The following TEAD2 variants were observed in gnomAD, a reference collection of about 807,000 sequenced individuals.
TEAD2 encodes the protein TEA domain transcription factor 2.
A neutral mutation model predicts 61.4 loss-of-function variants in TEAD2; 51 were observed. The observed-to-expected ratio is 0.83, with a 90% CI of 0.66 to 1.05. The LOEUF (loss-of-function observed/expected upper bound fraction) is 1.05, where lower values mean the gene tolerates loss of function less well. TEAD2 is among the 50% of genes least tolerant of loss of function. TEAD2 has a pLI of 0.00. For missense variants in TEAD2, 509 were observed against 600.0 expected, an observed-to-expected ratio of 0.85 and a Z score of 1.58; for synonymous variants, 244 against 243.2, an observed-to-expected ratio of 1.00 and a Z score of -0.03.
chr19:49,348,654 C>G, intron 9 of TEAD2, 49 bp downstream of exon 9: 9 of 1,483,954 alleles, frequency 6.1e-6, no homozygotes, highest in Non-Finnish European at 8.5e-6. Flanking sequence ...CTTCCTGTCA[C>G]CCTCTATATT....
chr19:49,354,719 G>A (rs539656133), intron 7 of TEAD2, among the ~76,000 whole-genome samples: 1 of 152,170 alleles, frequency 6.6e-6, no homozygotes, highest in East Asian at 1.9e-4. Context: ...CCTAATAGAG[G>A]CTGGGCACGG....
Position 49,351,288 on chromosome 19 carries a change from C to G in TEAD2, c.604+13G>C. On this transcript the variant is annotated intron_variant, in intron 8 of 12. Transcript: ENST00000593945. ...AGAGGGGAGACAAGGGAGGGTGGAG[C>G]GCAGGCTCTTACCTGGGAGGTCAGT... is the stretch of plus-strand genomic sequence containing the variant. 6.2e-7 allele frequency: 1 copy of G among 1,608,888 alleles called. No individual in the cohort carries two copies. The highest frequency in any genetic ancestry group is 8.5e-7 in the Non-Finnish European group (1 of 1,177,994).
chr19:49,355,946 C>A lies in TEAD2; in HGVS notation c.372+13G>T. ...GAGTGAGCGTGGGTGGGAGGATGGGCAGAGGAACTTACCACGTTCAGAGCC... is the reference window on the plus strand; with the variant it reads ...GAGTGAGCGTGGGTGGGAGGATGGGAAGAGGAACTTACCACGTTCAGAGCC... On this transcript the variant is annotated intron_variant, in intron 5 of 12. Coordinates refer to ENST00000593945, the MANE Select transcript of TEAD2 (RefSeq NM_001256660.2). 1 of 1,259,084 alleles carries A rather than the reference C, an allele frequency of 7.9e-7. No individual in the cohort carries two copies. Among genetic ancestry groups the A allele is most frequent in the Non-Finnish European group, 1.0e-6 (1 of 1,002,082 alleles). The allele number at this position is 1,259,084 out of a possible 1,614,324, so 78.0% of individuals were successfully genotyped here. A position where few individuals can be genotyped will look rare whatever the true frequency, so the allele number is the denominator to read the frequency against.
intron 4 of TEAD2, among the ~76,000 whole-genome samples, chr19:49,356,931 CCCCTCTGTCTCTGGGTCTCTGTCT>C (rs1972440251): frequency 1.3e-5 from 2 of 151,902 alleles, no homozygotes; most frequent in South Asian, 2.1e-4. Flanking sequence ...GGTCTCTGTC[CCCCTCTGTCTCTGGGTCTCTGTCT>C]CCCTCTGTCT....
At chr19:49,342,710 CCTTT>C in intron 11 of TEAD2, 120 bp from the exon 12 acceptor site, 1 of 1,228,728 alleles carries the variant, frequency 8.1e-7, no homozygotes, top group Non-Finnish European at 1.1e-6. Context: ...CTGCCACCTT[CCTTT>C]CATCACCCCA....
chr19:49,346,924 A>G (rs1377548374), intron 10 of TEAD2, among the ~76,000 whole-genome samples: 1 of 152,156 alleles, frequency 6.6e-6, no homozygotes, highest in African/African-American at 2.4e-5. Context: ...CCTATTAGCT[A>G]CATGGCCAGG....
rs920951367 is a variant in TEAD2, at chr19:49,348,721, C to A, written c.729G>T (p.Pro243=). The A allele has an allele frequency of 1.2e-6, 2 of 1,613,750 alleles. No individual in the cohort carries two copies. Among genetic ancestry groups the A allele is most frequent in the African/African-American group, 2.7e-5 (2 of 74,904 alleles). The change falls in exon 9 of 13, where the codon CCG becomes CCT. Residue 243 remains proline (P), a synonymous_variant. Transcript: ENST00000593945. ...QLVEFSAFVE[P]PDAVDSYQRH... Reference sequence around the variant, plus strand: ...CACTCACAGAATCAACTGCATCTGGCGGTTCCACGAAGGCTGAGAACTCTA... The same window carrying A: ...CACTCACAGAATCAACTGCATCTGGAGGTTCCACGAAGGCTGAGAACTCTA...
intron 1 of TEAD2, chr19:49,360,302 C>T (rs1376714780): frequency 1.0e-5 from 6 of 575,474 alleles, no homozygotes; most frequent in African/African-American, 1.9e-5. Context: ...GGCTGGGGCC[C>T]GGACTCCTAG....
intron 9 of TEAD2, 123 bp from the exon 10 acceptor site, chr19:49,347,486 C>G: frequency 8.6e-7 from 1 of 1,158,502 alleles, no homozygotes; most frequent in Non-Finnish European, 1.2e-6. Context: ...ACACAGTCCA[C>G]CCAGCACTGG....
chr19:49,354,276 G>T (rs1416397560), intron 7 of TEAD2, among the ~76,000 whole-genome samples: 1 of 151,924 alleles, frequency 6.6e-6, no homozygotes, highest in Non-Finnish European at 1.5e-5. Context: ...GGTCCAGGCA[G>T]GGGGATCACT....
chr19:49,358,246 A>T (rs1156272370), intron 3 of TEAD2, among the ~76,000 whole-genome samples: 1 of 152,124 alleles, frequency 6.6e-6, no homozygotes, highest in Non-Finnish European at 1.5e-5. Flanking sequence ...AAAAATATTT[A>T]AAAAATGAAA....
At chr19:49,353,163 A>G (rs951173577) in intron 7 of TEAD2, among the ~76,000 whole-genome samples, 12 of 151,282 alleles carry the variant, frequency 7.9e-5, no homozygotes, top group African/African-American at 2.4e-4. Flanking sequence ...CAGTGGCACA[A>G]TCTCAGCTCC....
chr19:49,356,667 C>G (rs1307194587), intron 4 of TEAD2, among the ~76,000 whole-genome samples: 1 of 151,946 alleles, frequency 6.6e-6, no homozygotes, highest in African/African-American at 2.4e-5. Flanking sequence ...GATATGAGAC[C>G]GCCAGGAAGA....
chr19:49,349,412 G>A (rs973369234), intron 8 of TEAD2, among the ~76,000 whole-genome samples: 1 of 151,366 alleles, frequency 6.6e-6, no homozygotes, highest in Non-Finnish European at 1.5e-5. Context: ...GCAGTGAGCC[G>A]AGATTGCGCC....
chr19:49,342,138 G>A (rs900051963), intron 12 of TEAD2, among the ~76,000 whole-genome samples: 1 of 151,994 alleles, frequency 6.6e-6, no homozygotes, highest in Non-Finnish European at 1.5e-5. Flanking sequence ...GTTGCAGTGA[G>A]CCGAGATCTT....
intron 3 of TEAD2, chr19:49,357,754 T>C (rs764846861): frequency 2.3e-5 from 5 of 213,254 alleles, no homozygotes; most frequent in South Asian, 8.7e-5. Flanking sequence ...ATGAATGGCT[T>C]TGCACCATCT....
At position 49,359,234 on chromosome 19, in the gene TEAD2, T is replaced by C. The variant is rs1453974130; in HGVS notation, c.297+201A>G. The C allele has an allele frequency of 3.4e-6, 2 of 584,142 alleles. No individual in the cohort carries two copies. The highest frequency in any genetic ancestry group is 6.2e-6 in the Non-Finnish European group (2 of 325,128). The allele number at this position is 584,142 out of a possible 1,614,324, so 36.2% of individuals were successfully genotyped here. ...GCCTGGGCAACAGAGCTAGACTCCA[T>C]TTCAAAAAATAAACAAATACATAAA... is the stretch of plus-strand genomic sequence containing the variant. On this transcript the variant is annotated intron_variant, in intron 3 of 12. Coordinates refer to ENST00000593945, the MANE Select transcript of TEAD2 (RefSeq NM_001256660.2). The surrounding 1 kb of genome is among the most constrained non-coding windows in gnomAD (Gnocchi z 4.1).
intron 7 of TEAD2, among the ~76,000 whole-genome samples, chr19:49,352,933 C>T (rs1001149238): frequency 6.6e-6 from 1 of 152,098 alleles, no homozygotes; most frequent in Non-Finnish European, 1.5e-5. Context: ...AGGAATTTCA[C>T]CTGTCTTACT....
Position 49,348,703 on chromosome 19 carries a change from A to G in TEAD2, c.747T>C (p.Ser249=). Residue 249 remains serine (S), a splice_region_variant and synonymous_variant, in exon 9 of 13, where the codon TCT becomes TCC. Transcript: ENST00000593945. ...AFVEPPDAVD[S]YQRHLFVHIS... ...GCGACTGTACCAAAATTTCACTCAC[A>G]GAATCAACTGCATCTGGCGGTTCCA... 6.2e-7 allele frequency: 1 copy of G among 1,614,074 alleles called. No homozygotes were observed. Among genetic ancestry groups the G allele is most frequent in the Middle Eastern group, 1.6e-4 (1 of 6,062 alleles).
Sources: allele counts gnomAD v4.1 joint callset (sites outside exome capture counted in the v4.1 genomes callset), GRCh38; gene constraint gnomAD v4.1.1; non-coding constraint Gnocchi (gnomAD v3.1); transcripts MANE v1.5; gene names NCBI Gene and HGNC (gene_info 2026-07-23, HGNC 2026-07-21).